Variants in HDLBP observed in about 807,000 individuals in gnomAD.
HDLBP encodes the protein high density lipoprotein binding protein.
In HDLBP, 30 loss-of-function variants were observed where a neutral mutation model predicts 137.3. The ratio of observed to expected loss-of-function variants is 0.22; its 90% CI spans 0.16 to 0.30. The LOEUF is 0.30. HDLBP is among the 10% of genes least tolerant of loss of function. The probability of loss-of-function intolerance (pLI) is 1.00; values close to 1 mark genes in which losing one functional copy is unlikely to be tolerated. For synonymous variants in HDLBP, 606 were observed against 596.0 expected, an observed-to-expected ratio of 1.02 and a Z score of -0.24; for missense variants, 1,119 against 1,667.3, an observed-to-expected ratio of 0.67 and a Z score of 5.73.
rs1376242714 is a variant in HDLBP, at chr2:241,300,312, G to A, written c.-103+15258C>T. Among the ~76,000 whole-genome samples, 5 of 152,082 alleles carry A rather than the reference G, an allele frequency of 3.3e-5. No individual in the cohort carries two copies. In the East Asian group the frequency reaches 7.7e-4, roughly 23 times the overall value. On this transcript the variant is annotated intron_variant, in intron 1 of 27. Transcript: ENST00000310931. ...CCAGTCGTACACTGCCCTAAAAGAC[G>A]AACAAGAGGCAAAACTCAGACACTA...
At chr2:241,279,072 A>AC (rs199844357) in intron 1 of HDLBP, among the ~76,000 whole-genome samples, 9,205 of 152,228 alleles carry the variant, frequency 0.06, 936 homozygotes, top group African/African-American at 0.21. Context: ...TAAGAAAAAA[A>AC]ATGTGATTTA....
chr2:241,291,168 A>C (rs2075002421), intron 1 of HDLBP, among the ~76,000 whole-genome samples: 1 of 152,370 alleles, frequency 6.6e-6, no homozygotes, highest in South Asian at 2.1e-4. Flanking sequence ...AAAATTTAGA[A>C]TAGGTAAGCG....
intron 1 of HDLBP, among the ~76,000 whole-genome samples, chr2:241,305,767 T>G (rs113627792): frequency 0.01 from 1,222 of 120,394 alleles, 12 homozygotes; most frequent in African/African-American, 0.029. Context: ...TTTGTTTTTT[T>G]TTTTTTTTTT....
intron 1 of HDLBP, among the ~76,000 whole-genome samples, chr2:241,313,838 G>C (rs1443903159): frequency 2.6e-5 from 4 of 152,186 alleles, no homozygotes; most frequent in Admixed American, 1.3e-4. Flanking sequence ...TAGTGGCGCT[G>C]AGGGACGTGA....
chr2:241,297,391 G>A (rs2075218496), intron 1 of HDLBP, among the ~76,000 whole-genome samples: 1 of 152,198 alleles, frequency 6.6e-6, no homozygotes, highest in Non-Finnish European at 1.5e-5. Flanking sequence ...CACTTGGAAA[G>A]CGAGAAACTA....
rs578087189 is a variant in HDLBP, at chr2:241,238,938, G to A, written c.2611-151C>T. On this transcript the variant is annotated intron_variant, in intron 19 of 27. Coordinates refer to ENST00000310931, the MANE Select transcript of HDLBP (RefSeq NM_005336.6). The surrounding 1 kb of genome is among the most constrained non-coding windows in gnomAD (Gnocchi z 4.9). ...TTCTCCCGAGTCCAGGGCTCCAGGC[G>A]CAGGGAGGAGGGAGGTAGCAGGACA... 113 of 589,188 alleles carry A rather than the reference G, an allele frequency of 1.9e-4. 1 individual carries two copies. Among genetic ancestry groups the A allele is most frequent in the African/African-American group, 1.9e-3 (99 of 53,434 alleles). 36.5% of individuals were successfully genotyped at this position (589,188 alleles called of 1,614,324 possible). A position where few individuals can be genotyped will look rare whatever the true frequency, so the allele number is the denominator to read the frequency against.
intron 1 of HDLBP, among the ~76,000 whole-genome samples, chr2:241,304,188 A>G (rs2075492208): frequency 6.6e-6 from 1 of 152,226 alleles, no homozygotes; most frequent in South Asian, 2.1e-4. Context: ...CCCTCAAAAT[A>G]CGTATATGGC....
intron 1 of HDLBP, chr2:241,315,130 T>A (rs960481113): frequency 6.6e-6 from 1 of 151,860 alleles, no homozygotes; most frequent in Non-Finnish European, 1.5e-5. Context: ...AGGAGAAAGC[T>A]AGGGGCCGCG....
At chr2:241,249,282 G>A (rs932702087) in intron 12 of HDLBP, 14 of 470,210 alleles carry the variant, frequency 3.0e-5, no homozygotes, top group African/African-American at 1.2e-4. Context: ...TGCTGCTGCA[G>A]GCACTCACGC....
intron 5 of HDLBP, among the ~76,000 whole-genome samples, chr2:241,258,572 A>G (rs1294448625): frequency 6.6e-6 from 1 of 152,136 alleles, no homozygotes; most frequent in Non-Finnish European, 1.5e-5. Context: ...GTATGGAAAA[A>G]AGTGAAACTC....
At chr2:241,253,081 C>G in intron 10 of HDLBP, 46 bp from the exon 11 acceptor site, 1 of 1,429,034 alleles carries the variant, frequency 7.0e-7, no homozygotes, top group Non-Finnish European at 9.9e-7. Context: ...GGTTACTTGG[C>G]CAATGAGCTG....
In HDLBP at chr2:241,255,318, G is replaced by A. The variant is rs997939662; in HGVS notation, c.1080+56C>T. On this transcript the variant is annotated intron_variant, in intron 8 of 27. Coordinates refer to ENST00000310931, the MANE Select transcript of HDLBP (RefSeq NM_005336.6). ...ATTTACAAATCGAGAGCTCATCCAT[G>A]AAGGCCCCGCGGACTCCACTCAAAG... 8.6e-6 allele frequency: 13 copies of A among 1,514,158 alleles called. No homozygotes were observed. The African/African-American group carries it at 1.8e-4, about 21-fold the overall frequency. 93.8% of individuals were successfully genotyped at this position (1,514,158 alleles called of 1,614,324 possible). A position where few individuals can be genotyped will look rare whatever the true frequency, so the allele number is the denominator to read the frequency against.
At chr2:241,236,339 G>GCC in intron 21 of HDLBP, 1 of 488,670 alleles carries the variant, frequency 2.0e-6, no homozygotes, top group Non-Finnish European at 3.7e-6. Context: ...CCCTTCCACA[G>GCC]CCCCCGCACC....
At chr2:241,307,792 T>A (rs879551649) in intron 1 of HDLBP, among the ~76,000 whole-genome samples, 1 of 152,140 alleles carries the variant, frequency 6.6e-6, no homozygotes, top group African/African-American at 2.4e-5. Flanking sequence ...CAAATACAAA[T>A]TTACCTCATT....
intron 1 of HDLBP, among the ~76,000 whole-genome samples, chr2:241,271,498 G>A (rs2074033311): frequency 6.6e-6 from 1 of 152,148 alleles, no homozygotes. Flanking sequence ...AGTCTAACAG[G>A]TTTCTGACAG....
Position 241,272,622 on chromosome 2 carries a change from G to A in HDLBP, c.-102-4081C>T, listed in dbSNP as rs1448027192. Reference sequence around the variant, plus strand: ...GGGCGGGGGCCGCAGCCTGGGGCCCGGGTGGGGGCCGCGGCACCCGGGCCC... The same window carrying A: ...GGGCGGGGGCCGCAGCCTGGGGCCCAGGTGGGGGCCGCGGCACCCGGGCCC... On this transcript the variant is annotated intron_variant, in intron 1 of 27. Transcript: ENST00000310931. The surrounding 1 kb of genome is among the most constrained non-coding windows in gnomAD (Gnocchi z 5.6). 5.1e-6 allele frequency: 5 copies of A among 979,570 alleles called. No individual in the cohort carries two copies. The highest frequency in any genetic ancestry group is 2.3e-4 in the East Asian group (2 of 8,676). The allele number at this position is 979,570 out of a possible 1,614,324, so 60.7% of individuals were successfully genotyped here. A position where few individuals can be genotyped will look rare whatever the true frequency, so the allele number is the denominator to read the frequency against.
chr2:241,280,401 C>G (rs2074549763), intron 1 of HDLBP, among the ~76,000 whole-genome samples: 1 of 152,168 alleles, frequency 6.6e-6, no homozygotes, highest in African/African-American at 2.4e-5. Context: ...TAAAGTCTCA[C>G]GAAAGTTCAG....
rs543594057 is a variant in HDLBP, at chr2:241,245,727, G to A, written c.1950+1025C>T. 3.3e-5 allele frequency among the ~76,000 whole-genome samples: 5 copies of A among 152,220 alleles called. No homozygotes were observed. In the South Asian group the frequency reaches 1.0e-3, roughly 32 times the overall value. The stretch of plus-strand genomic sequence containing the variant: ...TAAGGTGGGAGGACTGCTTGAGTCT[G>A]GAAAGCCAAGGCTGTAGTGAGCCAT... On this transcript the variant is annotated intron_variant, in intron 16 of 27. Coordinates refer to ENST00000310931, the MANE Select transcript of HDLBP (RefSeq NM_005336.6).
At chr2:241,250,057 C>A in intron 11 of HDLBP, 77 bp from the exon 12 acceptor site, 7 of 1,362,412 alleles carry the variant, frequency 5.1e-6, no homozygotes, top group Non-Finnish European at 7.0e-6. Context: ...GGCAGGACAG[C>A]GCTAAAGCGC....
Sources: allele counts gnomAD v4.1 joint callset (sites outside exome capture counted in the v4.1 genomes callset), GRCh38; gene constraint gnomAD v4.1.1; non-coding constraint Gnocchi (gnomAD v3.1); transcripts MANE v1.5; gene names NCBI Gene and HGNC (gene_info 2026-07-23, HGNC 2026-07-21).